Variants in ZC3HAV1 observed in about 807,000 individuals in gnomAD.
ZC3HAV1 encodes zinc finger CCCH-type antiviral protein 1.
Under a neutral mutation model 86.6 loss-of-function variants are expected in ZC3HAV1, and 41 were observed. The observed-to-expected ratio is 0.47, with a 90% CI of 0.37 to 0.61. The LOEUF (loss-of-function observed/expected upper bound fraction) is 0.61. ZC3HAV1 is among the 20% of genes least tolerant of loss of function. ZC3HAV1 has a pLI of 0.00. For synonymous variants in ZC3HAV1, 421 were observed against 432.1 expected (o/e 0.97, Z 0.32); for missense variants, 964 against 1,141.1 (o/e 0.84, Z 2.24).
At chr7:139,072,636 A>G (rs1399161839) in intron 7 of ZC3HAV1, among the ~76,000 whole-genome samples, 2 of 152,168 alleles carry the variant, frequency 1.3e-5, no homozygotes, top group Non-Finnish European at 2.9e-5. Context: ...AGAAGGACAG[A>G]GGCTCTGCTC....
At chr7:139,075,641 T>C (rs1024798439) in intron 6 of ZC3HAV1, among the ~76,000 whole-genome samples, 1 of 152,128 alleles carries the variant, frequency 6.6e-6, no homozygotes. Flanking sequence ...GGTTTCATCA[T>C]GTTGCCCAGG....
At chr7:139,067,638 C>G (rs1816644656) in intron 7 of ZC3HAV1, among the ~76,000 whole-genome samples, 2 of 152,096 alleles carry the variant, frequency 1.3e-5, no homozygotes, top group African/African-American at 4.8e-5. Context: ...GACGGACACC[C>G]TAAAAACCCT....
chr7:139,070,621 G>A (rs1165375279), intron 7 of ZC3HAV1, among the ~76,000 whole-genome samples: 24 of 130,772 alleles, frequency 1.8e-4, no homozygotes, highest in African/African-American at 4.9e-4. Flanking sequence ...CCGAGATCGC[G>A]CCACTGCACT....
chr7:139,096,391 C>T (rs980440567), intron 1 of ZC3HAV1, among the ~76,000 whole-genome samples: 4 of 152,252 alleles, frequency 2.6e-5, no homozygotes, highest in Non-Finnish European at 2.9e-5. Context: ...CCCCACCACC[C>T]GCCACAATAC....
chr7:139,109,018 A>C lies in ZC3HAV1; in HGVS notation c.308+6T>G, dbSNP rs377131560. 4.8e-5 allele frequency: 75 copies of C among 1,546,622 alleles called. No homozygotes were observed. The highest frequency in any genetic ancestry group is 6.4e-5 in the Non-Finnish European group (73 of 1,140,134). On this transcript the variant is annotated splice_donor_region_variant and intron_variant, in intron 1 of 12. Coordinates refer to ENST00000242351, the MANE Select transcript of ZC3HAV1 (RefSeq NM_020119.4). ...GGACAGCGCCCCTCCCTCCGGGTGC[A>C]CTCACCGCTCGGACTGCGAATAGTT...
chr7:139,064,245 A>C (rs539373082), intron 8 of ZC3HAV1, among the ~76,000 whole-genome samples: 40 of 152,204 alleles, frequency 2.6e-4, no homozygotes, highest in Non-Finnish European at 3.7e-4. Flanking sequence ...CAAGTCCCGA[A>C]AGGGCAAGCA....
rs1817194795 is a variant in ZC3HAV1 at position 139,083,731 on chromosome 7, A to G, written c.697+49T>C. The G allele has an allele frequency of 3.5e-6, 5 of 1,414,838 alleles. No homozygotes were observed. The East Asian group carries it at 1.2e-4, about 34-fold the overall frequency. The allele number at this position is 1,414,838 out of a possible 1,614,324, so 87.6% of individuals were successfully genotyped here. A position where few individuals can be genotyped will look rare whatever the true frequency, so the allele number is the denominator to read the frequency against. On this transcript the variant is annotated intron_variant, in intron 3 of 12. Transcript: ENST00000242351. The stretch of plus-strand genomic sequence containing the variant: ...GACAGAGAGAGACTCTGTCTCAAAA[A>G]AAAAAAAAAAAAAAGAGTTCACACA...
Position 139,078,576 on chromosome 7 carries a change from G to A in ZC3HAV1, c.1549C>T (p.Leu517=). The A allele has an allele frequency of 6.3e-7, 1 of 1,592,996 alleles. No individual in the cohort carries two copies. Among genetic ancestry groups the A allele is most frequent in the Admixed American group, 1.9e-5 (1 of 53,194 alleles). ...HDSEEICLDH[L]CKGCPLNGSC... The stretch of plus-strand genomic sequence containing the variant: ...CCATTAAGCGGACAACCCTTACACA[G>A]ATGGTCAAGACAAATTTCCTCTGAG... Residue 517 remains leucine, a synonymous_variant, in exon 5 of 13, where the codon CTG becomes TTG. Transcript: ENST00000242351.
At chr7:139,060,873 C>G in intron 9 of ZC3HAV1, 163 bp downstream of exon 9, 3 of 1,544,882 alleles carry the variant, frequency 1.9e-6, no homozygotes, top group Non-Finnish European at 2.6e-6. Flanking sequence ...CACCATGCTG[C>G]TTAACAAGCA....
At chr7:139,092,378 A>G (rs1284383899) in intron 1 of ZC3HAV1, among the ~76,000 whole-genome samples, 1 of 152,208 alleles carries the variant, frequency 6.6e-6, no homozygotes, top group African/African-American at 2.4e-5. Context: ...ATTAAAGGAA[A>G]GGGAGAGTCT....
chr7:139,065,088 GA>G, intron 7 of ZC3HAV1, 89 bp from the exon 8 acceptor site: 1 of 1,541,786 alleles, frequency 6.5e-7, no homozygotes, highest in Admixed American at 1.9e-5. Flanking sequence ...AATGAGATGT[GA>G]ACAGGAGTGC....
At chr7:139,068,154 G>C (rs1816663717) in intron 7 of ZC3HAV1, among the ~76,000 whole-genome samples, 1 of 151,482 alleles carries the variant, frequency 6.6e-6, no homozygotes, top group Admixed American at 6.6e-5. Context: ...CCACCTCCTG[G>C]GTTCAAGCGA....
chr7:139,068,213 C>A (rs1816665227), intron 7 of ZC3HAV1, among the ~76,000 whole-genome samples: 1 of 152,036 alleles, frequency 6.6e-6, no homozygotes, highest in South Asian at 2.1e-4. Flanking sequence ...GCATGAGCCA[C>A]CACACCCGGC....
intron 7 of ZC3HAV1, 114 bp from the exon 8 acceptor site, chr7:139,065,113 A>C: frequency 7.1e-7 from 1 of 1,408,390 alleles, no homozygotes; most frequent in Non-Finnish European, 9.6e-7. Context: ...TTGCTTCCCA[A>C]ACCAGATTGT....
At chr7:139,102,938 A>ATATATGTATATGTATATGTATATG (rs57404294) in intron 1 of ZC3HAV1, among the ~76,000 whole-genome samples, 1 of 146,656 alleles carries the variant, frequency 6.8e-6, no homozygotes, top group Non-Finnish European at 1.5e-5. Context: ...AAAAGTATAT[A>ATATATGTATATGTATATGTATATG]TATATGTATA....
chr7:139,080,309 T>C, intron 3 of ZC3HAV1, 66 bp from the exon 4 acceptor site: 1 of 1,580,642 alleles, frequency 6.3e-7, no homozygotes, highest in Non-Finnish European at 8.7e-7. Context: ...ACTGAGTTCC[T>C]ACCACCCTTC....
chr7:139,057,411 C>T (rs1816317229), intron 9 of ZC3HAV1, among the ~76,000 whole-genome samples: 1 of 151,880 alleles, frequency 6.6e-6, no homozygotes, highest in Admixed American at 6.6e-5. Context: ...ACCACTACTA[C>T]AAATACGTTA....
Position 139,109,447 on chromosome 7 carries a change from C to A in ZC3HAV1, c.-116G>T. The A allele has an allele frequency of 7.5e-7, 1 of 1,327,564 alleles. No homozygotes were observed. The highest frequency in any genetic ancestry group is 9.9e-7 in the Non-Finnish European group (1 of 1,006,016). 82.2% of individuals were successfully genotyped at this position (1,327,564 alleles called of 1,614,324 possible). A position where few individuals can be genotyped will look rare whatever the true frequency, so the allele number is the denominator to read the frequency against. On this transcript the variant is annotated 5_prime_UTR_variant, in exon 1 of 13. Coordinates refer to ENST00000242351, the MANE Select transcript of ZC3HAV1 (RefSeq NM_020119.4). ...CGGGCGGTGCTACTGCTGGGCGCGC[C>A]CGGAGTCAGCGAGGGCGCGCTCTCC...
intron 5 of ZC3HAV1, among the ~76,000 whole-genome samples, chr7:139,078,161 C>T (rs1418384661): frequency 1.3e-5 from 2 of 152,164 alleles, no homozygotes; most frequent in African/African-American, 4.8e-5. Flanking sequence ...ATCACTTGAA[C>T]CCAGGGGGCA....
Sources: gnomAD v4.1 joint callset for allele counts (sites outside exome capture counted in the v4.1 genomes callset) on GRCh38, gnomAD v4.1.1 for gene constraint, MANE v1.5 for transcripts, NCBI Gene and HGNC (gene_info 2026-07-23, HGNC 2026-07-21) for gene names.